PCDHA1: variants seen among roughly 807,000 people sequenced by gnomAD.
The protein encoded by PCDHA1 is protocadherin alpha-1.
PCDHA1 carries 42 observed loss-of-function variants against 61.3 expected under a neutral mutation model. The ratio of observed to expected loss-of-function variants is 0.69; its 90% CI spans 0.54 to 0.89. PCDHA1 has a LOEUF of 0.89. Ranked by LOEUF, PCDHA1 falls within the 40% of genes least tolerant of loss-of-function variation. The pLI, the probability that PCDHA1 is intolerant of heterozygous loss-of-function variation, is 0.00. For missense variants in PCDHA1, 1,256 were observed against 1,235.3 expected (o/e 1.02, Z -0.25); for synonymous variants, 610 against 553.8 (o/e 1.10, Z -1.43).
intron 1 of PCDHA1, chr5:140,809,610 G>A (rs1183519714): frequency 1.3e-6 from 2 of 1,519,732 alleles, no homozygotes; most frequent in African/African-American, 1.4e-5. Context: ...TTTTCGTATT[G>A]TTTTTCTCTA....
intron 1 of PCDHA1, among the ~76,000 whole-genome samples, chr5:140,894,494 T>C (rs1412845995): frequency 6.6e-6 from 1 of 151,992 alleles, no homozygotes; most frequent in Non-Finnish European, 1.5e-5. Flanking sequence ...TAGTTTTCTT[T>C]AGGCATTATC....
At chr5:140,869,771 C>T (rs1554163429) in intron 1 of PCDHA1, 11 of 1,613,176 alleles carry the variant, frequency 6.8e-6, no homozygotes, top group Middle Eastern at 1.6e-4. Flanking sequence ...CCAGAGCTTA[C>T]TGGCACCGTT....
chr5:140,828,063 T>C (rs2150150500), intron 1 of PCDHA1: 2 of 1,558,310 alleles, frequency 1.3e-6, no homozygotes, highest in Admixed American at 2.0e-5. Context: ...GAAGATCTTC[T>C]AATGGAAATA....
At position 140,994,426 on chromosome 5, in the gene PCDHA1, G is replaced by A. The variant is rs994056098; in HGVS notation, c.2542+11863G>A. Among the ~76,000 whole-genome samples the A allele has an allele frequency of 3.9e-5, 6 of 152,110 alleles. No homozygotes were observed. In the East Asian group the frequency reaches 1.2e-3, roughly 29 times the overall value. ...CATTTAATACTGGATATTGAGGCCG[G>A]GCGCAGTGGCTCACACCTGTGATCC... On this transcript the variant is annotated intron_variant, in intron 3 of 3. Coordinates refer to ENST00000504120, the MANE Select transcript of PCDHA1 (RefSeq NM_018900.4).
intron 1 of PCDHA1, among the ~76,000 whole-genome samples, chr5:140,898,597 G>T (rs1452719602): frequency 6.6e-6 from 1 of 152,186 alleles, no homozygotes; most frequent in Non-Finnish European, 1.5e-5. Context: ...CTGTAGCCTT[G>T]TAGTATAGTT....
intron 1 of PCDHA1, among the ~76,000 whole-genome samples, chr5:140,873,716 A>G (rs1476838319): frequency 6.6e-6 from 1 of 152,184 alleles, no homozygotes; most frequent in Non-Finnish European, 1.5e-5. Context: ...GCTGGTGTGC[A>G]GTGGCGCAAT....
intron 1 of PCDHA1, chr5:140,809,404 G>C: frequency 6.2e-7 from 1 of 1,614,214 alleles, no homozygotes; most frequent in Admixed American, 1.7e-5. Context: ...AGCCCACGCT[G>C]GTGTGCTCCA....
At chr5:140,836,381 G>T (rs2150259346) in intron 1 of PCDHA1, 8 of 1,613,746 alleles carry the variant, frequency 5.0e-6, no homozygotes, top group South Asian at 1.1e-5. Context: ...CCACCGTGCT[G>T]GTGTCGCTGG....
At chr5:140,976,594 T>C (rs2096724606) in intron 1 of PCDHA1, among the ~76,000 whole-genome samples, 1 of 152,146 alleles carries the variant, frequency 6.6e-6, no homozygotes, top group Non-Finnish European at 1.5e-5. Flanking sequence ...ACTTTTGTGT[T>C]AAGGGGACCT....
chr5:140,812,060 T>A (rs1366496459), intron 1 of PCDHA1: 3 of 152,010 alleles, frequency 2.0e-5, no homozygotes, highest in Non-Finnish European at 2.9e-5. Context: ...CAATTTTTTT[T>A]TTTTGGAAGA....
At chr5:140,957,895 A>G (rs1169291586) in intron 1 of PCDHA1, among the ~76,000 whole-genome samples, 1 of 152,118 alleles carries the variant, frequency 6.6e-6, no homozygotes, top group African/African-American at 2.4e-5. Flanking sequence ...GTTGGCATCA[A>G]CCAAGGCATA....
chr5:140,944,316 T>C lies in PCDHA1; in HGVS notation c.2395-34633T>C, dbSNP rs140163712. On this transcript the variant is annotated intron_variant, in intron 1 of 3. Coordinates refer to ENST00000504120, the MANE Select transcript of PCDHA1 (RefSeq NM_018900.4). ...GATCCTCCTACCTCAGCCTCCTGAG[T>C]AGCTGGGATTACAAGCACGTGCCAC... 4.3e-3 allele frequency among the ~76,000 whole-genome samples: 654 copies of C among 152,070 alleles called. 5 individuals carry two copies. The highest frequency in any genetic ancestry group is 5.5e-3 in the Non-Finnish European group (376 of 67,970).
At chr5:140,791,236 G>A (rs1426933124) in intron 1 of PCDHA1, among the ~76,000 whole-genome samples, 2 of 152,240 alleles carry the variant, frequency 1.3e-5, no homozygotes, top group African/African-American at 4.8e-5. Context: ...TAGCACGATT[G>A]TGTAATTTCC....
intron 1 of PCDHA1, chr5:140,821,754 T>G (rs1461015460): frequency 1.3e-6 from 2 of 1,582,528 alleles, no homozygotes; most frequent in Non-Finnish European, 1.7e-6. Flanking sequence ...AATAGAAAGC[T>G]CATAATTGGA....
rs1340141507 is a variant in PCDHA1, at chr5:140,939,833, CTTG to C, written c.2395-39108_2395-39106del. 2.6e-5 allele frequency among the ~76,000 whole-genome samples: 4 copies of C among 152,224 alleles called. No individual in the cohort carries two copies. The East Asian group carries it at 7.7e-4, about 29-fold the overall frequency. ...AAGAAAAAGCAGTATTCTGACATTG[CTTG>C]TTGTTGTGTTCTGTATATGTCCATT... On this transcript the variant is annotated intron_variant, in intron 1 of 3. Transcript: ENST00000504120.
In PCDHA1 at chr5:140,857,667, G is replaced by A. The variant is rs375722457; in HGVS notation, c.2394+68983G>A. 3.4e-5 allele frequency: 54 copies of A among 1,596,806 alleles called. 7 individuals are homozygous for A. The highest frequency in any genetic ancestry group is 4.5e-5 in the Non-Finnish European group (52 of 1,167,800). ...TTCCAGGTGAGCGCGCGCGATGGGGGCGTGCCGCCTCTGGGCAGCAACTTG... is the reference window on the plus strand; with the variant it reads ...TTCCAGGTGAGCGCGCGCGATGGGGACGTGCCGCCTCTGGGCAGCAACTTG... On this transcript the variant is annotated intron_variant, in intron 1 of 3. Coordinates refer to ENST00000504120, the MANE Select transcript of PCDHA1 (RefSeq NM_018900.4).
chr5:140,854,302 G>A, intron 1 of PCDHA1: 2 of 384,722 alleles, frequency 5.2e-6, no homozygotes, highest in Non-Finnish European at 7.1e-6. Context: ...TTTTGTGCGT[G>A]GAGATGATTG....
intron 1 of PCDHA1, among the ~76,000 whole-genome samples, chr5:140,913,101 T>C (rs1352707377): frequency 5.9e-5 from 9 of 152,200 alleles, no homozygotes; most frequent in Non-Finnish European, 1.0e-4. Flanking sequence ...ACTGGCCTCA[T>C]AGAATCAGTT....
At chr5:140,918,279 G>A (rs1554198513) in intron 1 of PCDHA1, among the ~76,000 whole-genome samples, 1 of 152,078 alleles carries the variant, frequency 6.6e-6, no homozygotes, top group African/African-American at 2.4e-5. Context: ...TCAGATGTAG[G>A]AGCTTTTTGG....
Sources: allele counts gnomAD v4.1 joint callset (sites outside exome capture counted in the v4.1 genomes callset), GRCh38; gene constraint gnomAD v4.1.1; transcripts MANE v1.5; gene names NCBI Gene and HGNC (gene_info 2026-07-23, HGNC 2026-07-21).